Variants in PARL observed in about 807,000 individuals in gnomAD.
The protein encoded by PARL is presenilin-associated rhomboid-like protein, mitochondrial.
A neutral mutation model predicts 51.6 loss-of-function variants in PARL; 44 were observed. That is an observed-to-expected ratio of 0.85 (90% CI 0.67 to 1.10). The LOEUF (loss-of-function observed/expected upper bound fraction) is 1.10. PARL is among the 50% of genes least tolerant of loss of function. The pLI, the probability that PARL is intolerant of heterozygous loss-of-function variation, is 0.00. For missense variants in PARL, 441 were observed against 469.5 expected (o/e 0.94, Z 0.56); for synonymous variants, 172 against 164.0 (o/e 1.05, Z -0.37).
chr3:183,845,146 T>C (rs1729798384), intron 4 of PARL, among the ~76,000 whole-genome samples: 1 of 152,220 alleles, frequency 6.6e-6, no homozygotes, highest in African/African-American at 2.4e-5. Context: ...AGTAGCACTT[T>C]CACCTTCTTC....
intron 7 of PARL, among the ~76,000 whole-genome samples, chr3:183,837,915 C>G (rs1297837822): frequency 3.3e-5 from 5 of 152,036 alleles, no homozygotes; most frequent in African/African-American, 1.2e-4. Context: ...AGTTTGAGAC[C>G]AGCCTTGGCA....
chr3:183,883,394 G>A (rs573784875), intron 1 of PARL, among the ~76,000 whole-genome samples: 1 of 152,044 alleles, frequency 6.6e-6, no homozygotes, highest in African/African-American at 2.4e-5. Context: ...TCAGGCTCCC[G>A]AGTAGCTGGG....
At chr3:183,861,717 G>A (rs1259645577) in intron 4 of PARL, among the ~76,000 whole-genome samples, 1 of 152,084 alleles carries the variant, frequency 6.6e-6, no homozygotes, top group African/African-American at 2.4e-5. Flanking sequence ...TTGAGCAAAA[G>A]CAATATTTTG....
intron 1 of PARL, among the ~76,000 whole-genome samples, chr3:183,873,092 A>C (rs1252409309): frequency 6.6e-6 from 1 of 152,248 alleles, no homozygotes; most frequent in African/African-American, 2.4e-5. Flanking sequence ...AAGATCCCAA[A>C]GTAACCTGGA....
intron 7 of PARL, among the ~76,000 whole-genome samples, chr3:183,838,104 C>T (rs1025383200): frequency 1.3e-5 from 2 of 151,602 alleles, no homozygotes; most frequent in Non-Finnish European, 2.9e-5. Flanking sequence ...TCACAGCAGC[C>T]TCACCCTCCT....
At position 183,863,225 on chromosome 3, in the gene PARL, CT is replaced by C. The variant is rs368130963; in HGVS notation, c.463-425del. Among the ~76,000 whole-genome samples, 417 of 152,094 alleles carry C rather than the reference CT, an allele frequency of 2.7e-3. 5 individuals are homozygous for C. Among genetic ancestry groups the C allele is most frequent in the African/African-American group, 9.6e-3 (397 of 41,470 alleles). On this transcript the variant is annotated intron_variant, in intron 3 of 9. Transcript: ENST00000317096. The stretch of plus-strand genomic sequence containing the variant: ...TGAGAATATTGTCTACTAAATTGCA[CT>C]TTTTTAAAGATATAGTAATGGTACT...
At chr3:183,876,700 C>T (rs1318460739) in intron 1 of PARL, among the ~76,000 whole-genome samples, 2 of 146,794 alleles carry the variant, frequency 1.4e-5, no homozygotes, top group Non-Finnish European at 3.0e-5. Flanking sequence ...GCAATAGCCA[C>T]AGAGTGATTT....
At chr3:183,874,863 G>C (rs555549405) in intron 1 of PARL, among the ~76,000 whole-genome samples, 7 of 152,278 alleles carry the variant, frequency 4.6e-5, no homozygotes, top group Non-Finnish European at 1.0e-4. Context: ...CTTGAGTTCA[G>C]GAGTTTGAAA....
At chr3:183,831,090 C>CCT (rs1273357184) in intron 9 of PARL, among the ~76,000 whole-genome samples, 1 of 152,182 alleles carries the variant, frequency 6.6e-6, no homozygotes, top group East Asian at 1.9e-4. Context: ...GATTCTCCTG[C>CCT]CTCAGCCTCC....
At chr3:183,858,908 C>CA (rs796139614) in intron 4 of PARL, among the ~76,000 whole-genome samples, 1,657 of 144,518 alleles carry the variant, frequency 0.011, 19 homozygotes, top group Non-Finnish European at 0.015. Context: ...AAATTAAGAC[C>CA]AAAAAAAAAA....
At chr3:183,871,964 A>G (rs1733265158) in intron 1 of PARL, among the ~76,000 whole-genome samples, 1 of 151,734 alleles carries the variant, frequency 6.6e-6, no homozygotes, top group Admixed American at 6.6e-5. Flanking sequence ...TCAGAATAAT[A>G]GCATAGCTAC....
intron 1 of PARL, among the ~76,000 whole-genome samples, chr3:183,872,445 T>C (rs1733323771): frequency 6.6e-6 from 1 of 152,220 alleles, no homozygotes; most frequent in South Asian, 2.1e-4. Context: ...AAGAAATCTA[T>C]TACAGAAAAA....
intron 7 of PARL, among the ~76,000 whole-genome samples, chr3:183,837,039 G>A (rs1728690115): frequency 6.6e-6 from 1 of 152,010 alleles, no homozygotes; most frequent in Non-Finnish European, 1.5e-5. Flanking sequence ...CTGCGCCTGG[G>A]CTCACAAACA....
rs763881374 is a variant in PARL, at chr3:183,867,846, T to C, written c.321+19A>G. On this transcript the variant is annotated intron_variant, in intron 2 of 9. Coordinates refer to ENST00000317096, the MANE Select transcript of PARL (RefSeq NM_018622.7). ...CATTTCTAGCAAGGTAGGTAACTCCTAGCAAAGTGAGCTCTTACCCCAACA... is the reference window on the plus strand; with the variant it reads ...CATTTCTAGCAAGGTAGGTAACTCCCAGCAAAGTGAGCTCTTACCCCAACA... 4 of 1,582,962 alleles carry C rather than the reference T, an allele frequency of 2.5e-6. No homozygotes were observed. The highest frequency in any genetic ancestry group is 3.5e-6 in the Non-Finnish European group (4 of 1,153,254).
intron 7 of PARL, among the ~76,000 whole-genome samples, chr3:183,840,261 T>C (rs1210147641): frequency 6.6e-6 from 1 of 152,230 alleles, no homozygotes; most frequent in African/African-American, 2.4e-5. Flanking sequence ...AATACTGGAT[T>C]AGGCTCTCTG....
chr3:183,841,725 A>G (rs1273962426), intron 6 of PARL, among the ~76,000 whole-genome samples: 1 of 152,212 alleles, frequency 6.6e-6, no homozygotes, highest in East Asian at 1.9e-4. Context: ...CATGCATGAG[A>G]ATTTCCTAAC....
At chr3:183,831,427 A>G (rs991041045) in intron 9 of PARL, among the ~76,000 whole-genome samples, 1 of 152,230 alleles carries the variant, frequency 6.6e-6, no homozygotes, top group Non-Finnish European at 1.5e-5. Flanking sequence ...TTTCTAGGGC[A>G]CTCTTTTCTG....
chr3:183,862,006 C>A (rs1039474049), intron 4 of PARL, among the ~76,000 whole-genome samples: 1 of 152,136 alleles, frequency 6.6e-6, no homozygotes, highest in African/African-American at 2.4e-5. Context: ...AACTCCTGAG[C>A]TCAAGGAATC....
intron 7 of PARL, among the ~76,000 whole-genome samples, chr3:183,837,568 C>A (rs1728775941): frequency 6.6e-6 from 1 of 152,168 alleles, no homozygotes; most frequent in Non-Finnish European, 1.5e-5. Flanking sequence ...CCCATCCCTG[C>A]CCTGCAGTGA....
Sources: allele counts gnomAD v4.1 joint callset (sites outside exome capture counted in the v4.1 genomes callset), GRCh38; gene constraint gnomAD v4.1.1; transcripts MANE v1.5; gene names NCBI Gene and HGNC (gene_info 2026-07-23, HGNC 2026-07-21).